MYSM1: variants seen among roughly 807,000 people sequenced by gnomAD.
The protein encoded by MYSM1 is deubiquitinase MYSM1.
MYSM1 carries 51 observed loss-of-function variants against 116.0 expected under a neutral mutation model. The ratio of observed to expected loss-of-function variants is 0.44; its 90% CI spans 0.35 to 0.56. MYSM1 has a LOEUF of 0.56. MYSM1 is among the 20% of genes least tolerant of loss of function. The pLI is 0.00. For synonymous variants in MYSM1, 313 were observed against 315.2 expected, an observed-to-expected ratio of 0.99 and a Z score of 0.07; for missense variants, 900 against 974.9, an observed-to-expected ratio of 0.92 and a Z score of 1.02.
intron 10 of MYSM1, among the ~76,000 whole-genome samples, chr1:58,675,043 C>T (rs1242137024): frequency 1.4e-5 from 2 of 147,514 alleles, no homozygotes; most frequent in South Asian, 2.1e-4. Flanking sequence ...GTATGATTTA[C>T]GAATTTTAAA....
Position 58,698,585 on chromosome 1 carries a change from T to C in MYSM1, c.68+1400A>G, listed in dbSNP as rs557772780. On this transcript the variant is annotated intron_variant, in intron 1 of 19. Transcript: ENST00000472487. Reference sequence around the variant, plus strand: ...AAACACAATCAGAAAGATAAATCTATGGAAGAAGCATACAGCCAATGCCCT... The same window carrying C: ...AAACACAATCAGAAAGATAAATCTACGGAAGAAGCATACAGCCAATGCCCT... Among the ~76,000 whole-genome samples the C allele has an allele frequency of 3.2e-3, 477 of 148,524 alleles. 3 individuals are homozygous for C. The highest frequency in any genetic ancestry group is 0.011 in the African/African-American group (461 of 40,288).
In MYSM1 at chr1:58,657,119, G is replaced by A. The variant is rs1390749619; in HGVS notation, c.*2878C>T. The A allele has an allele frequency of 6.6e-6, 1 of 151,992 alleles. No individual in the cohort carries two copies. Among genetic ancestry groups the A allele is most frequent in the Non-Finnish European group, 1.5e-5 (1 of 68,020 alleles). The allele number at this position is 151,992 out of a possible 1,614,324, so 9.4% of individuals were successfully genotyped here. A position where few individuals can be genotyped will look rare whatever the true frequency, so the allele number is the denominator to read the frequency against. ...TGGTCAAGGCTAAAATAATGGAGAT[G>A]GAGAGTCTGAGCTTACTGATCCTGT... On this transcript the variant is annotated 3_prime_UTR_variant, in exon 20 of 20. Transcript: ENST00000472487.
chr1:58,669,096 A>T (rs752876568), intron 12 of MYSM1, 58 bp from the exon 13 acceptor site: 13 of 1,278,206 alleles, frequency 1.0e-5, no homozygotes, highest in Non-Finnish European at 1.4e-5. Context: ...AATAACATTT[A>T]TTTGTAAATC....
At chr1:58,662,445 C>A (rs1046983616) in intron 17 of MYSM1, among the ~76,000 whole-genome samples, 1 of 118,760 alleles carries the variant, frequency 8.4e-6, no homozygotes, top group Non-Finnish European at 1.7e-5. Flanking sequence ...GAAGTAGCTG[C>A]CATTATTCAC....
At chr1:58,669,613 G>A (rs1217421006) in intron 12 of MYSM1, among the ~76,000 whole-genome samples, 1 of 152,016 alleles carries the variant, frequency 6.6e-6, no homozygotes, top group Non-Finnish European at 1.5e-5. Context: ...GACCCCTTGA[G>A]CCTAGGAGTT....
chr1:58,670,478 G>C (rs1569728126), intron 12 of MYSM1, among the ~76,000 whole-genome samples: 4 of 152,296 alleles, frequency 2.6e-5, no homozygotes, highest in Admixed American at 2.6e-4. Flanking sequence ...TTATGAAACA[G>C]CTGATTTGTG....
At chr1:58,669,970 T>C (rs17372910) in intron 12 of MYSM1, among the ~76,000 whole-genome samples, 38,436 of 151,572 alleles carry the variant, frequency 0.25, 5,161 homozygotes, top group Middle Eastern at 0.37. Flanking sequence ...TTGAGAACTA[T>C]ATTAAGAACA....
chr1:58,671,798 T>C, intron 12 of MYSM1, 72 bp downstream of exon 12: 2 of 1,095,150 alleles, frequency 1.8e-6, no homozygotes, highest in Non-Finnish European at 2.7e-6. Flanking sequence ...ATGCAGCTAT[T>C]GAATATTTTT....
At chr1:58,695,614 C>G (rs932230953) in intron 1 of MYSM1, among the ~76,000 whole-genome samples, 2 of 149,992 alleles carry the variant, frequency 1.3e-5, no homozygotes, top group African/African-American at 4.9e-5. Flanking sequence ...TTAGCTGTAT[C>G]TAAATTATAA....
At chr1:58,691,026 T>C (rs766147416) in intron 3 of MYSM1, among the ~76,000 whole-genome samples, 2 of 152,194 alleles carry the variant, frequency 1.3e-5, no homozygotes, top group East Asian at 3.8e-4. Flanking sequence ...ACACCTGTAA[T>C]CCCAGCACTT....
chr1:58,670,343 A>C (rs76741736), intron 12 of MYSM1, among the ~76,000 whole-genome samples: 2,444 of 152,356 alleles, frequency 0.016, 67 homozygotes, highest in African/African-American at 0.055. Flanking sequence ...GAGGAACTGC[A>C]GAGAATGGGA....
At chr1:58,682,680 CTTTT>C (rs1644765092) in intron 7 of MYSM1, 135 bp from the exon 8 acceptor site, 3 of 312,962 alleles carry the variant, frequency 9.6e-6, no homozygotes, top group Non-Finnish European at 1.5e-5. Flanking sequence ...CTCTAATGCG[CTTTT>C]CTTTTTTTTC....
chr1:58,683,276 T>A (rs1644775910), intron 7 of MYSM1, among the ~76,000 whole-genome samples: 1 of 152,226 alleles, frequency 6.6e-6, no homozygotes, highest in Non-Finnish European at 1.5e-5. Flanking sequence ...GAAATATTTT[T>A]AAAGGCTTCT....
intron 10 of MYSM1, among the ~76,000 whole-genome samples, chr1:58,673,880 CCAG>C (rs1323423834): frequency 3.3e-5 from 5 of 152,102 alleles, no homozygotes; most frequent in Non-Finnish European, 4.4e-5. Flanking sequence ...GGCAGGAGCA[CCAG>C]TAGCAGGTGG....
chr1:58,681,760 C>A, intron 8 of MYSM1, 25 bp downstream of exon 8: 1 of 1,540,632 alleles, frequency 6.5e-7, no homozygotes, highest in South Asian at 1.3e-5. Flanking sequence ...TTTAAAACAA[C>A]ATCTATAATG....
intron 8 of MYSM1, among the ~76,000 whole-genome samples, chr1:58,677,611 C>A (rs1005745013): frequency 1.3e-5 from 2 of 151,842 alleles, no homozygotes; most frequent in African/African-American, 4.8e-5. Context: ...AAGGGGAAAT[C>A]AAGAAACTCC....
At chr1:58,660,395 G>C (rs1438697656) in intron 19 of MYSM1, among the ~76,000 whole-genome samples, 1 of 152,100 alleles carries the variant, frequency 6.6e-6, no homozygotes, top group Non-Finnish European at 1.5e-5. Context: ...AGACAAACCT[G>C]AGATTGTTTA....
At chr1:58,697,121 A>G (rs6677560) in intron 1 of MYSM1, among the ~76,000 whole-genome samples, 58,706 of 152,044 alleles carry the variant, frequency 0.39, 11,474 homozygotes, top group Middle Eastern at 0.56. Context: ...TTTAGACAGA[A>G]TCAACAGCCC....
At chr1:58,681,716 A>C in intron 8 of MYSM1, 69 bp downstream of exon 8, 178 of 1,341,334 alleles carry the variant, frequency 1.3e-4, no homozygotes, top group Middle Eastern at 2.3e-4. Context: ...TAAATTCTGT[A>C]TAGGCCTAAT....
Sources: allele counts gnomAD v4.1 joint callset (sites outside exome capture counted in the v4.1 genomes callset), GRCh38; gene constraint gnomAD v4.1.1; transcripts MANE v1.5; gene names NCBI Gene and HGNC (gene_info 2026-07-23, HGNC 2026-07-21).